DERA: variants seen among roughly 807,000 people sequenced by gnomAD.
DERA encodes the protein 2-deoxy-D-ribose 5-phosphate aldolase.
A neutral mutation model predicts 41.1 loss-of-function variants in DERA; 15 were observed. The ratio of observed to expected loss-of-function variants is 0.37; its 90% CI spans 0.24 to 0.56. DERA has a LOEUF of 0.56. Among genes scored for constraint, DERA ranks in the 20% least tolerant of loss-of-function variants. The pLI is 0.81. For synonymous variants in DERA, 139 were observed against 137.4 expected (o/e 1.01, Z -0.08); for missense variants, 396 against 403.4 (o/e 0.98, Z 0.16).
chr12:15,997,285 C>T (rs532048276), intron 6 of DERA, among the ~76,000 whole-genome samples: 22 of 151,790 alleles, frequency 1.4e-4, no homozygotes, highest in Admixed American at 5.2e-4. Flanking sequence ...TCTTTTCCTC[C>T]GCATGGGTGA....
chr12:15,945,804 C>G (rs1220941574), intron 1 of DERA, among the ~76,000 whole-genome samples: 1 of 152,084 alleles, frequency 6.6e-6, no homozygotes, highest in African/African-American at 2.4e-5. Context: ...TCCCTGTCTT[C>G]TTTCAGTTTT....
At chr12:16,029,664 A>C (rs1008046579) in intron 6 of DERA, among the ~76,000 whole-genome samples, 3 of 152,054 alleles carry the variant, frequency 2.0e-5, no homozygotes, top group Non-Finnish European at 4.4e-5. Flanking sequence ...GAGTATAAGA[A>C]AGATGCAGCA....
chr12:16,030,343 T>C (rs1441389237), intron 6 of DERA, among the ~76,000 whole-genome samples: 1 of 152,148 alleles, frequency 6.6e-6, no homozygotes, highest in East Asian at 1.9e-4. Context: ...ATGCCACATA[T>C]TAGAAAAACA....
rs1948390972 is a variant in DERA, at chr12:15,938,974, T to G, written c.32-17962T>G. 6.6e-6 allele frequency among the ~76,000 whole-genome samples: 1 copy of G among 152,222 alleles called. No individual in the cohort carries two copies. The highest frequency in any genetic ancestry group is 1.5e-5 in the Non-Finnish European group (1 of 68,046). On this transcript the variant is annotated intron_variant, in intron 1 of 8. Coordinates refer to ENST00000428559, the MANE Select transcript of DERA (RefSeq NM_015954.4). The surrounding 1 kb of genome is among the most constrained non-coding windows in gnomAD (Gnocchi z 4.1). ...CACGTCTCTGGTATTGATGCCTTTG[T>G]GTAGTCCTGTACTGCATTAATTCTG...
chr12:15,994,952 A>T lies in DERA; in HGVS notation c.637+12516A>T, dbSNP rs946310021. Among the ~76,000 whole-genome samples the T allele has an allele frequency of 6.6e-6, 1 of 152,212 alleles. No individual in the cohort carries two copies. The highest frequency in any genetic ancestry group is 1.5e-5 in the Non-Finnish European group (1 of 68,040). On this transcript the variant is annotated intron_variant, in intron 6 of 8. Coordinates refer to ENST00000428559, the MANE Select transcript of DERA (RefSeq NM_015954.4). The surrounding 1 kb of genome is among the most constrained non-coding windows in gnomAD (Gnocchi z 4.8). ...GAGGGAGGAGAGGTATCTTATTATC[A>T]TCTTTTAGTAGATGAAAACCTGAAG...
intron 1 of DERA, among the ~76,000 whole-genome samples, chr12:15,949,227 G>C (rs1035600722): frequency 2.0e-5 from 3 of 152,172 alleles, no homozygotes; most frequent in African/African-American, 7.2e-5. Context: ...CTTCAAAGCT[G>C]TCAGATAGGG....
chr12:15,912,020 C>CT lies in DERA; in HGVS notation c.31+622dup, dbSNP rs11354779. ...TGGCAAGAAACCTTAGTTCAGATTT[C>CT]TTTTTTTTTTTTTTTTATTGATCAT... On this transcript the variant is annotated intron_variant, in intron 1 of 8. Transcript: ENST00000428559. Among the ~76,000 whole-genome samples the CT allele has an allele frequency of 9.8e-3, 1,312 of 134,106 alleles. 10 individuals carry two copies. Among genetic ancestry groups the CT allele is most frequent in the Middle Eastern group, 0.012 (3 of 242 alleles). The allele number at this position is 134,106 out of a possible 152,430, so 88.0% of individuals were successfully genotyped here.
At chr12:15,978,194 A>G (rs191946354) in intron 5 of DERA, among the ~76,000 whole-genome samples, 234 of 152,282 alleles carry the variant, frequency 1.5e-3, no homozygotes, top group African/African-American at 4.6e-3. Context: ...CTAGTTTCTG[A>G]GGTGTCTATC....
rs763301032 is a variant in DERA, at chr12:16,035,136, G to C, written c.751-1096G>C. On this transcript the variant is annotated intron_variant, in intron 7 of 8. Transcript: ENST00000428559. This position sits in a 1 kb window ranked among gnomAD's most constrained non-coding sequence, Gnocchi z 4.1. Reference sequence around the variant, plus strand: ...GAAACAAGTGAGAGTGCAGTGGAAAGAGTGCATGTGAGGGGGTAAGGAAGG... The same window carrying C: ...GAAACAAGTGAGAGTGCAGTGGAAACAGTGCATGTGAGGGGGTAAGGAAGG... Among the ~76,000 whole-genome samples, 2 of 152,242 alleles carry C rather than the reference G, an allele frequency of 1.3e-5. No individual in the cohort carries two copies. Among genetic ancestry groups the C allele is most frequent in the Non-Finnish European group, 2.9e-5 (2 of 68,034 alleles).
Position 16,010,361 on chromosome 12 carries a change from A to C in DERA, c.638-22181A>C, listed in dbSNP as rs189200140. On this transcript the variant is annotated intron_variant, in intron 6 of 8. Transcript: ENST00000428559. This position sits in a 1 kb window ranked among gnomAD's most constrained non-coding sequence, Gnocchi z 5.5. ...CTTTCTCCTTGCCTCATGTGTCTTC[A>C]GGAATTTGTGAATGATTCTGATATC... Among the ~76,000 whole-genome samples the C allele has an allele frequency of 2.1e-3, 323 of 152,260 alleles. 2 individuals are homozygous for C. The highest frequency in any genetic ancestry group is 3.3e-3 in the Non-Finnish European group (224 of 68,020).
intron 1 of DERA, among the ~76,000 whole-genome samples, chr12:15,925,777 A>AGCTGCTGT (rs1470913429): frequency 3.3e-5 from 5 of 150,220 alleles, no homozygotes; most frequent in Non-Finnish European, 7.4e-5. Context: ...CAAGCATCAA[A>AGCTGCTGT]GCTGCTGTGT....
At position 15,994,743 on chromosome 12, in the gene DERA, G is replaced by A. The variant is rs567243209; in HGVS notation, c.637+12307G>A. Among the ~76,000 whole-genome samples the A allele has an allele frequency of 1.1e-4, 16 of 152,268 alleles. No individual in the cohort carries two copies. The highest frequency in any genetic ancestry group is 9.6e-4 in the East Asian group (5 of 5,182). On this transcript the variant is annotated intron_variant, in intron 6 of 8. Coordinates refer to ENST00000428559, the MANE Select transcript of DERA (RefSeq NM_015954.4). The surrounding 1 kb of genome is among the most constrained non-coding windows in gnomAD (Gnocchi z 4.8). The stretch of plus-strand genomic sequence containing the variant: ...GCTGGGATTACAGGCGTGAGCCACC[G>A]CGCCTGGCCAGAAAATTCTTAAAAT...
rs527866181 is a variant in DERA at position 16,013,492 on chromosome 12, A to G, written c.638-19050A>G. On this transcript the variant is annotated intron_variant, in intron 6 of 8. Coordinates refer to ENST00000428559, the MANE Select transcript of DERA (RefSeq NM_015954.4). This position sits in a 1 kb window ranked among gnomAD's most constrained non-coding sequence, Gnocchi z 5.8. ...TGCTGCCTTGTGAAGAAGGTGCCTC[A>G]CTACCCCTTCACCTTCTGCCATGAT... Among the ~76,000 whole-genome samples the G allele has an allele frequency of 1.2e-4, 18 of 152,286 alleles. No homozygotes were observed. The highest frequency in any genetic ancestry group is 2.4e-4 in the Non-Finnish European group (16 of 68,016).
chr12:16,032,521 T>C, intron 6 of DERA, 21 bp from the exon 7 acceptor site: 1 of 1,277,110 alleles, frequency 7.8e-7, no homozygotes, highest in Non-Finnish European at 1.0e-6. Context: ...TAACATGGAG[T>C]TTTTCCTCTT....
At position 16,035,680 on chromosome 12, in the gene DERA, A is replaced by T. The variant is rs1399412735; in HGVS notation, c.751-552A>T. On this transcript the variant is annotated intron_variant, in intron 7 of 8. Transcript: ENST00000428559. The surrounding 1 kb of genome is among the most constrained non-coding windows in gnomAD (Gnocchi z 4.1). The stretch of plus-strand genomic sequence containing the variant: ...TGTGTGCCTGCAACTTAGAAAAAAA[A>T]TCCCACAGTTAAATTGGTTAAAACA... Among the ~76,000 whole-genome samples the T allele has an allele frequency of 6.6e-6, 1 of 152,198 alleles. No individual in the cohort carries two copies. Among genetic ancestry groups the T allele is most frequent in the Non-Finnish European group, 1.5e-5 (1 of 68,050 alleles).
rs1390547973 is a variant in DERA, at chr12:15,965,046, AC to A, written c.508+2101del. Among the ~76,000 whole-genome samples the A allele has an allele frequency of 6.6e-6, 1 of 152,236 alleles. No individual in the cohort carries two copies. The highest frequency in any genetic ancestry group is 2.1e-4 in the South Asian group (1 of 4,834). ...ACTAGAAATTTAATTCTAAATAGAAACCTGAAATGACTTAGGACTTTTTGCT... is the reference window on the plus strand; with the variant it reads ...ACTAGAAATTTAATTCTAAATAGAAACTGAAATGACTTAGGACTTTTTGCT... On this transcript the variant is annotated intron_variant, in intron 5 of 8. Transcript: ENST00000428559. The surrounding 1 kb of genome is among the most constrained non-coding windows in gnomAD (Gnocchi z 4.1).
Position 15,936,673 on chromosome 12 carries a change from T to G in DERA, c.32-20263T>G, listed in dbSNP as rs1233621640. On this transcript the variant is annotated intron_variant, in intron 1 of 8. Transcript: ENST00000428559. This position sits in a 1 kb window ranked among gnomAD's most constrained non-coding sequence, Gnocchi z 4.6. The stretch of plus-strand genomic sequence containing the variant: ...TTTTATAGCTGGTTAATCCAAGCCA[T>G]GATACAAATGAAGACTATGTATTTT... 6.6e-6 allele frequency among the ~76,000 whole-genome samples: 1 copy of G among 152,236 alleles called. No homozygotes were observed. Among genetic ancestry groups the G allele is most frequent in the Admixed American group, 6.5e-5 (1 of 15,280 alleles).
chr12:15,934,480 G>A, intron 1 of DERA, among the ~76,000 whole-genome samples: 1 of 152,066 alleles, frequency 6.6e-6, no homozygotes, highest in East Asian at 1.9e-4. Flanking sequence ...CAGCTACTCA[G>A]GAGGCTGAGG....
rs1452787124 is a variant in DERA, at chr12:15,931,883, A to C, written c.31+20469A>C. Among the ~76,000 whole-genome samples the C allele has an allele frequency of 2.6e-5, 4 of 152,140 alleles. No individual in the cohort carries two copies. Among genetic ancestry groups the C allele is most frequent in the Non-Finnish European group, 5.9e-5 (4 of 68,026 alleles). On this transcript the variant is annotated intron_variant, in intron 1 of 8. Coordinates refer to ENST00000428559, the MANE Select transcript of DERA (RefSeq NM_015954.4). This position sits in a 1 kb window ranked among gnomAD's most constrained non-coding sequence, Gnocchi z 4.6. ...CTTCTGTTGCTTCGTCTCTTGAGGA[A>C]GATCTTGTGAGTTTTTTTGCACATA... is the stretch of plus-strand genomic sequence containing the variant.
Sources: allele counts gnomAD v4.1 joint callset (sites outside exome capture counted in the v4.1 genomes callset), GRCh38; gene constraint gnomAD v4.1.1; non-coding constraint Gnocchi (gnomAD v3.1); transcripts MANE v1.5; gene names NCBI Gene and HGNC (gene_info 2026-07-23, HGNC 2026-07-21).